The following UBR1 variants were observed in gnomAD, a reference collection of about 807,000 sequenced individuals.
The protein encoded by UBR1 is E3 ubiquitin-protein ligase UBR1.
UBR1 carries 102 observed loss-of-function variants against 242.1 expected under a neutral mutation model. The ratio of observed to expected loss-of-function variants is 0.42; its 90% CI spans 0.36 to 0.50. UBR1 has a LOEUF of 0.50. Among genes scored for constraint, UBR1 ranks in the 20% least tolerant of loss-of-function variants. UBR1 has a pLI of 0.01. For missense variants in UBR1, 1,772 were observed against 2,101.8 expected, an observed-to-expected ratio of 0.84 and a Z score of 3.07; for synonymous variants, 675 against 684.8, an observed-to-expected ratio of 0.99 and a Z score of 0.22.
At chr15:43,070,514 G>A (rs1452503749) in intron 5 of UBR1, among the ~76,000 whole-genome samples, 1 of 152,080 alleles carries the variant, frequency 6.6e-6, no homozygotes, top group Non-Finnish European at 1.5e-5. Flanking sequence ...GAGGCTGCTA[G>A]GTCCTTATAA....
Position 43,056,453 on chromosome 15 carries a change from T to A in UBR1, c.1183-11A>T, listed in dbSNP as rs1249928605. 3 of 1,553,170 alleles carry A rather than the reference T, an allele frequency of 1.9e-6. No individual in the cohort carries two copies. In the South Asian group the frequency reaches 3.3e-5, roughly 17 times the overall value. On this transcript the variant is annotated splice_polypyrimidine_tract_variant and intron_variant, in intron 10 of 46. Transcript: ENST00000290650. ...CAGTTGTTTATAATACTGAAATATA[T>A]AAGTAGAGAATCAATTATAAATCAC...
intron 45 of UBR1, among the ~76,000 whole-genome samples, chr15:42,951,098 C>T (rs889152815): frequency 3.3e-5 from 5 of 152,116 alleles, no homozygotes; most frequent in Non-Finnish European, 5.9e-5. Context: ...GTTAGAAAGA[C>T]ATTTGGCTTT....
intron 29 of UBR1, among the ~76,000 whole-genome samples, chr15:43,014,440 C>T (rs567507158): frequency 2.2e-4 from 33 of 151,890 alleles, no homozygotes; most frequent in Middle Eastern, 3.4e-3. Flanking sequence ...AAGTGAGGAG[C>T]GCCTCTTCCC....
chr15:43,094,697 C>A (rs2034139674), intron 1 of UBR1, among the ~76,000 whole-genome samples: 3 of 152,142 alleles, frequency 2.0e-5, no homozygotes. Flanking sequence ...TAAGGCTTTA[C>A]TTTCATCACA....
intron 11 of UBR1, among the ~76,000 whole-genome samples, chr15:43,055,977 C>T (rs1047544038): frequency 3.3e-5 from 5 of 152,184 alleles, no homozygotes; most frequent in African/African-American, 1.2e-4. Context: ...CCACTCTCCT[C>T]CCAGGCCTAT....
At chr15:42,951,636 CT>C (rs998957120) in intron 45 of UBR1, among the ~76,000 whole-genome samples, 14 of 149,506 alleles carry the variant, frequency 9.4e-5, no homozygotes, top group Non-Finnish European at 1.2e-4. Context: ...TTTACATGTA[CT>C]TTTTTTTTTG....
intron 37 of UBR1, among the ~76,000 whole-genome samples, chr15:42,982,418 G>A (rs776170188): frequency 1.2e-4 from 18 of 152,138 alleles, no homozygotes; most frequent in Admixed American, 2.6e-4. Context: ...GACCAAGAAG[G>A]GAAAAAAGTA....
intron 1 of UBR1, among the ~76,000 whole-genome samples, chr15:43,099,890 T>C (rs1868696181): frequency 1.3e-5 from 2 of 151,988 alleles, no homozygotes. Context: ...CTTTTTTTTT[T>C]TTTTAGACGG....
intron 3 of UBR1, among the ~76,000 whole-genome samples, chr15:43,076,847 A>T (rs2033907881): frequency 1.3e-5 from 1 of 75,740 alleles, no homozygotes; most frequent in African/African-American, 4.5e-5. Context: ...GGCCGCCCCT[A>T]CTGGGAAGTG....
intron 14 of UBR1, among the ~76,000 whole-genome samples, chr15:43,045,254 GT>G (rs1465410939): frequency 6.6e-6 from 1 of 152,076 alleles, no homozygotes; most frequent in African/African-American, 2.4e-5. Context: ...GAAGTGAGGA[GT>G]TTGAGACTAG....
intron 20 of UBR1, among the ~76,000 whole-genome samples, chr15:43,031,280 G>C (rs1182837790): frequency 6.6e-6 from 1 of 151,294 alleles, no homozygotes; most frequent in Non-Finnish European, 1.5e-5. Context: ...CAATAAATTT[G>C]GGCAAACACA....
intron 39 of UBR1, among the ~76,000 whole-genome samples, chr15:42,974,908 C>T (rs1193937939): frequency 6.6e-6 from 1 of 152,086 alleles, no homozygotes; most frequent in Non-Finnish European, 1.5e-5. Context: ...TGTTGATATC[C>T]ACAATAATAA....
At chr15:43,027,445 ATATAAAATAAAAATT>A (rs1291920414) in intron 22 of UBR1, among the ~76,000 whole-genome samples, 11 of 152,156 alleles carry the variant, frequency 7.2e-5, no homozygotes, top group Non-Finnish European at 1.3e-4. Context: ...CAAAATTAGC[ATATAAAATAAAAATT>A]TATAAAATAA....
At chr15:43,020,959 C>T in intron 27 of UBR1, 1 of 272,502 alleles carries the variant, frequency 3.7e-6, no homozygotes, top group Non-Finnish European at 7.1e-6. Context: ...AATGTCTGTC[C>T]CTCAACTGGA....
intron 46 of UBR1, among the ~76,000 whole-genome samples, chr15:42,949,926 C>T (rs1276222553): frequency 6.6e-6 from 1 of 150,842 alleles, no homozygotes; most frequent in Admixed American, 6.6e-5. Flanking sequence ...CTCACTGCAA[C>T]CTCCTGGGTT....
intron 40 of UBR1, among the ~76,000 whole-genome samples, chr15:42,967,328 G>T (rs2032123884): frequency 6.7e-6 from 1 of 148,716 alleles, no homozygotes; most frequent in Non-Finnish European, 1.5e-5. Context: ...TTCCCAAAGT[G>T]CTGGGATTAT....
intron 15 of UBR1, among the ~76,000 whole-genome samples, chr15:43,040,071 C>T (rs1295852596): frequency 6.6e-6 from 1 of 152,162 alleles, no homozygotes; most frequent in African/African-American, 2.4e-5. Flanking sequence ...CTACCAATGA[C>T]TTTCTTCACA....
At chr15:43,023,805 A>C (rs1014523849) in intron 25 of UBR1, among the ~76,000 whole-genome samples, 1 of 152,104 alleles carries the variant, frequency 6.6e-6, no homozygotes, top group Non-Finnish European at 1.5e-5. Context: ...TTGGAGGCCA[A>C]TTTGAAAACA....
Position 43,056,399 on chromosome 15 carries a change from T to C in UBR1, c.1226A>G (p.Asp409Gly), listed in dbSNP as rs2033620193. The C allele has an allele frequency of 2.5e-6, 4 of 1,612,388 alleles. No homozygotes were observed. In the East Asian group the frequency reaches 8.9e-5, roughly 36 times the overall value. ...LQKEYISDDH[D>G]RSISITALSV... ...AAGTGCAGTTATAGAGATACTTCTG[T>C]CATGATCATCACTGATATATTCTTT... The change falls in exon 11 of 47, where the codon GAC (aspartate) becomes GGC (glycine). Residue 409 changes from aspartate to glycine, a missense_variant. Around this residue, in one of 3 missense-constraint regions of UBR1, gnomAD observed 734 missense variants for 893.3 expected, o/e 0.82. Coordinates refer to ENST00000290650, the MANE Select transcript of UBR1 (RefSeq NM_174916.3).
Sources: allele counts gnomAD v4.1 joint callset (sites outside exome capture counted in the v4.1 genomes callset), GRCh38; gene constraint gnomAD v4.1.1; regional missense constraint gnomAD v4.1.1; transcripts MANE v1.5; gene names NCBI Gene and HGNC (gene_info 2026-07-23, HGNC 2026-07-21).